ATP10D: variants seen among roughly 807,000 people sequenced by gnomAD.
The protein encoded by ATP10D is ATPase phospholipid transporting 10D (putative).
ATP10D carries 89 observed loss-of-function variants against 144.8 expected under a neutral mutation model. The ratio of observed to expected loss-of-function variants is 0.61; its 90% CI spans 0.52 to 0.73. ATP10D has a LOEUF of 0.73. Among genes scored for constraint, ATP10D ranks in the 30% least tolerant of loss-of-function variants. The pLI is 0.00. For synonymous variants in ATP10D, 571 were observed against 615.1 expected, an observed-to-expected ratio of 0.93 and a Z score of 1.06; for missense variants, 1,603 against 1,714.8, an observed-to-expected ratio of 0.93 and a Z score of 1.15.
intron 19 of ATP10D, among the ~76,000 whole-genome samples, chr4:47,578,829 T>C (rs1375609243): frequency 6.6e-6 from 1 of 152,190 alleles, no homozygotes; most frequent in Non-Finnish European, 1.5e-5. Flanking sequence ...TTGTTTTGAT[T>C]TTCCAGAGAA....
intron 6 of ATP10D, 23 bp downstream of exon 6, chr4:47,535,638 A>G: frequency 1.9e-6 from 3 of 1,589,364 alleles, no homozygotes; most frequent in Non-Finnish European, 2.6e-6. Context: ...TCTAATTTTC[A>G]TTGTCTACTC....
chr4:47,514,270 A>G (rs971054941), intron 2 of ATP10D, among the ~76,000 whole-genome samples: 2 of 152,196 alleles, frequency 1.3e-5, no homozygotes, highest in African/African-American at 4.8e-5. Flanking sequence ...ATTAATGGCT[A>G]TGTAGCCCTA....
chr4:47,515,117 C>A (rs1329772192), intron 2 of ATP10D, among the ~76,000 whole-genome samples: 2 of 152,018 alleles, frequency 1.3e-5, no homozygotes, highest in African/African-American at 4.8e-5. Context: ...TAGGCCACTA[C>A]ACCCAGCTAA....
chr4:47,568,289 T>C (rs761309290), intron 15 of ATP10D, among the ~76,000 whole-genome samples: 4 of 152,222 alleles, frequency 2.6e-5, no homozygotes, highest in African/African-American at 7.2e-5. Flanking sequence ...TTTTCTAATA[T>C]ATAGTTTCTC....
rs58770797 is a variant in ATP10D, at chr4:47,525,110, T to G, written c.691-447T>G. On this transcript the variant is annotated intron_variant, in intron 4 of 22. Transcript: ENST00000273859. The stretch of plus-strand genomic sequence containing the variant: ...AGAAAATATTATAGATATTGATGTC[T>G]AGTTTATTTTTAAATGTTTTATTTA... Among the ~76,000 whole-genome samples, 15 of 152,334 alleles carry G rather than the reference T, an allele frequency of 9.8e-5. No homozygotes were observed. The East Asian group carries it at 2.5e-3, about 25-fold the overall frequency.
intron 5 of ATP10D, among the ~76,000 whole-genome samples, chr4:47,531,751 C>G (rs1717579136): frequency 6.6e-6 from 1 of 152,146 alleles, no homozygotes; most frequent in South Asian, 2.1e-4. Context: ...ATGTCAGAAT[C>G]AGGGGCTGCC....
intron 11 of ATP10D, among the ~76,000 whole-genome samples, chr4:47,555,176 G>A (rs1718917776): frequency 6.6e-6 from 1 of 152,214 alleles, no homozygotes; most frequent in South Asian, 2.1e-4. Flanking sequence ...GGGCCAGTGA[G>A]CATTACTGCC....
At chr4:47,585,734 A>G (rs1720752927) in intron 21 of ATP10D, among the ~76,000 whole-genome samples, 1 of 152,104 alleles carries the variant, frequency 6.6e-6, no homozygotes, top group African/African-American at 2.4e-5. Context: ...CAAATAAGTG[A>G]GAACATGCAG....
At position 47,546,982 on chromosome 4, in the gene ATP10D, T is replaced by C. The variant is rs1012560308; in HGVS notation, c.1635+120T>C. 3.3e-6 allele frequency: 3 copies of C among 897,104 alleles called. No homozygotes were observed. In the African/African-American group the frequency reaches 5.0e-5, roughly 15 times the overall value. The allele number at this position is 897,104 out of a possible 1,614,324, so 55.6% of individuals were successfully genotyped here. On this transcript the variant is annotated intron_variant, in intron 10 of 22. Transcript: ENST00000273859. ...TTCTACCTTAGAAGAGACTACATGA[T>C]TGCAGCTCAGCAAGATCACCACACA...
At chr4:47,522,828 C>T (rs888980449) in intron 3 of ATP10D, among the ~76,000 whole-genome samples, 184 bp from the exon 4 acceptor site, 1 of 152,142 alleles carries the variant, frequency 6.6e-6, no homozygotes, top group Non-Finnish European at 1.5e-5. Flanking sequence ...CTCGGCCTCC[C>T]AAAGTTCTGG....
chr4:47,580,797 C>T (rs1720475218), intron 20 of ATP10D, among the ~76,000 whole-genome samples: 1 of 152,144 alleles, frequency 6.6e-6, no homozygotes. Context: ...CACAGTGGCT[C>T]ACACCTGTAA....
At chr4:47,578,764 AG>A (rs1720363099) in intron 19 of ATP10D, among the ~76,000 whole-genome samples, 1 of 152,202 alleles carries the variant, frequency 6.6e-6, no homozygotes, top group Non-Finnish European at 1.5e-5. Context: ...ATATCCAATG[AG>A]GAAATAATAG....
At chr4:47,487,295 T>C (rs892033627) in intron 1 of ATP10D, among the ~76,000 whole-genome samples, 1 of 150,320 alleles carries the variant, frequency 6.7e-6, no homozygotes, top group Non-Finnish European at 1.5e-5. Flanking sequence ...CGAAGGGAAA[T>C]GCTCAAATAT....
In ATP10D at chr4:47,563,671, C is replaced by T; in HGVS notation, c.2759C>T (p.Thr920Ile). ...GCGGGCATCAAGATCTGGATGCTGA[C>T]AGGGGACAAGCAGGAGACAGCTGTC... ...HKAGIKIWMLTGDKQETAVNI... is the reference protein window; with the variant it reads ...HKAGIKIWMLIGDKQETAVNI... Residue 920 changes from threonine to isoleucine, a missense_variant, in exon 15 of 23, where the codon ACA (threonine) becomes ATA (isoleucine). Physicochemically the swap from Thr to Ile is moderately conservative, Grantham distance 89. Coordinates refer to ENST00000273859, the MANE Select transcript of ATP10D (RefSeq NM_020453.4). The T allele has an allele frequency of 1.2e-6, 2 of 1,613,920 alleles. No individual in the cohort carries two copies. The highest frequency in any genetic ancestry group is 1.7e-6 in the Non-Finnish European group (2 of 1,179,942).
intron 1 of ATP10D, among the ~76,000 whole-genome samples, 169 bp downstream of exon 1, chr4:47,485,688 A>T (rs868587852): frequency 0.021 from 3,122 of 150,566 alleles, 53 homozygotes; most frequent in South Asian, 0.066. Context: ...TACTGAACTA[A>T]AAAAAAAAAA....
chr4:47,487,638 T>C (rs546543831), intron 1 of ATP10D, among the ~76,000 whole-genome samples: 26 of 152,370 alleles, frequency 1.7e-4, no homozygotes, highest in African/African-American at 5.8e-4. Context: ...CAGTTATTCC[T>C]TCGATATTTT....
At chr4:47,584,246 C>T (rs1720671595) in intron 21 of ATP10D, among the ~76,000 whole-genome samples, 1 of 152,160 alleles carries the variant, frequency 6.6e-6, no homozygotes. Flanking sequence ...ATCTCATTGC[C>T]ACCTCCCACT....
chr4:47,546,893 A>ATT, intron 10 of ATP10D, 31 bp downstream of exon 10: 2 of 1,573,582 alleles, frequency 1.3e-6, no homozygotes, highest in Non-Finnish European at 1.7e-6. Context: ...AGAGTCTTGC[A>ATT]CATCCACAAT....
Position 47,591,296 on chromosome 4 carries a change from C to T in ATP10D, c.4196C>T (p.Ser1399Phe), listed in dbSNP as rs1721035346. The T allele has an allele frequency of 1.2e-6, 2 of 1,613,486 alleles. No homozygotes were observed. Among genetic ancestry groups the T allele is most frequent in the East Asian group, 4.5e-5 (2 of 44,882 alleles). ...SSCAIEQGNL[S>F]LCETALDQGY... ...TGTGCTATTGAGCAAGGAAACTTAT[C>T]TCTGTGTGAAACTGCTTTAGATCAA... Residue 1399 changes from serine to phenylalanine, a missense_variant, in exon 23 of 23, where the codon TCT becomes TTT. Ser to Phe is a radical substitution (Grantham distance 155). Transcript: ENST00000273859.
Sources: gnomAD v4.1 joint callset for allele counts (sites outside exome capture counted in the v4.1 genomes callset) on GRCh38, gnomAD v4.1.1 for gene constraint, MANE v1.5 for transcripts, NCBI Gene and HGNC (gene_info 2026-07-23, HGNC 2026-07-21) for gene names.